Variants in BCKDHB observed in about 807,000 individuals in gnomAD.
BCKDHB encodes branched chain keto acid dehydrogenase E1 subunit beta, also known as 2-oxoisovalerate dehydrogenase subunit beta, mitochondrial.
Under a neutral mutation model 48.5 loss-of-function variants are expected in BCKDHB, and 41 were observed. The observed-to-expected ratio is 0.85, with a 90% CI of 0.66 to 1.10. BCKDHB has a LOEUF of 1.10. Among genes scored for constraint, BCKDHB ranks in the 50% least tolerant of loss-of-function variants. The pLI, the probability that BCKDHB is intolerant of heterozygous loss-of-function variation, is 0.00. For missense variants in BCKDHB, 496 were observed against 494.2 expected, an observed-to-expected ratio of 1.00 and a Z score of -0.03; for synonymous variants, 201 against 174.8, an observed-to-expected ratio of 1.15 and a Z score of -1.18.
intron 8 of BCKDHB, among the ~76,000 whole-genome samples, chr6:80,210,135 C>CAAAAAA (rs61476553): frequency 8.8e-6 from 1 of 113,008 alleles, no homozygotes; most frequent in Non-Finnish European, 1.9e-5. Context: ...AAGAAATATA[C>CAAAAAA]AAAAAAAAAA....
intron 8 of BCKDHB, among the ~76,000 whole-genome samples, chr6:80,216,137 G>T (rs928665201): frequency 6.6e-6 from 1 of 152,172 alleles, no homozygotes; most frequent in African/African-American, 2.4e-5. Flanking sequence ...TATTCAAACA[G>T]TTCTTCTAAT....
chr6:80,392,567 T>C, the BCKDHB span, among the ~76,000 whole-genome samples: 2 of 151,960 alleles, frequency 1.3e-5, no homozygotes, highest in Non-Finnish European at 2.9e-5. Context: ...GTTCTTAATG[T>C]TTATTTTTAT....
At chr6:80,111,702 TA>T (rs1161351736) in intron 1 of BCKDHB, among the ~76,000 whole-genome samples, 3 of 152,116 alleles carry the variant, frequency 2.0e-5, no homozygotes, top group African/African-American at 7.2e-5. Context: ...CAGAACCAAA[TA>T]AAAGCCTTCC....
chr6:80,200,785 T>C, intron 6 of BCKDHB, 149 bp from the exon 7 acceptor site: 1 of 653,040 alleles, frequency 1.5e-6, no homozygotes, highest in Non-Finnish European at 2.7e-6. Context: ...AGCCATATCA[T>C]AAATGCTATT....
At chr6:80,136,357 A>C (rs940879172) in intron 3 of BCKDHB, among the ~76,000 whole-genome samples, 18 of 152,140 alleles carry the variant, frequency 1.2e-4, no homozygotes, top group African/African-American at 4.1e-4. Context: ...ACCATTCAAC[A>C]GGGGAAAGGA....
chr6:80,130,603 A>G (rs985817804), intron 3 of BCKDHB, among the ~76,000 whole-genome samples: 2 of 152,178 alleles, frequency 1.3e-5, no homozygotes, highest in South Asian at 2.1e-4. Flanking sequence ...GACTCCTGCT[A>G]CAAACTTTTA....
the BCKDHB span, among the ~76,000 whole-genome samples, chr6:80,448,846 C>T: frequency 6.6e-6 from 1 of 152,088 alleles, no homozygotes; most frequent in Non-Finnish European, 1.5e-5. Context: ...ATGCTCATTA[C>T]CTGCATGATG....
At chr6:80,253,505 G>A (rs1776916363) in intron 8 of BCKDHB, among the ~76,000 whole-genome samples, 1 of 152,044 alleles carries the variant, frequency 6.6e-6, no homozygotes, top group Non-Finnish European at 1.5e-5. Flanking sequence ...CCTTGGTCAA[G>A]GGAATGTGGT....
chr6:80,465,151 TC>T, the BCKDHB span, among the ~76,000 whole-genome samples: 1 of 152,150 alleles, frequency 6.6e-6, no homozygotes, highest in Non-Finnish European at 1.5e-5. Flanking sequence ...TGGTGGCATT[TC>T]CCCAAATGTA....
intron 6 of BCKDHB, among the ~76,000 whole-genome samples, chr6:80,186,433 C>T (rs1320712661): frequency 2.0e-5 from 3 of 152,282 alleles, no homozygotes; most frequent in South Asian, 4.1e-4. Flanking sequence ...CAACAGCACA[C>T]GTTTATATTC....
At chr6:80,322,507 G>A (rs1481426914) in intron 9 of BCKDHB, among the ~76,000 whole-genome samples, 1 of 152,126 alleles carries the variant, frequency 6.6e-6, no homozygotes, top group East Asian at 1.9e-4. Context: ...AAAGTGCTGG[G>A]ATTACAGGCA....
intron 7 of BCKDHB, among the ~76,000 whole-genome samples, chr6:80,201,344 A>G (rs1478297939): frequency 6.6e-6 from 1 of 152,104 alleles, no homozygotes; most frequent in Non-Finnish European, 1.5e-5. Context: ...GGGGGCGAGG[A>G]CACTTCAGAT....
In BCKDHB at chr6:80,203,133, C is replaced by T; in HGVS notation, c.872C>T (p.Ala291Val). 6.2e-7 allele frequency: 1 copy of T among 1,612,816 alleles called. No individual in the cohort carries two copies. The highest frequency in any genetic ancestry group is 8.5e-7 in the Non-Finnish European group (1 of 1,179,110). The change falls in exon 8 of 10, where the codon GCA becomes GTA. Residue 291 changes from alanine (A) to valine (V), a missense_variant. Physicochemically the swap from Ala to Val is moderately conservative, Grantham distance 64. Coordinates refer to ENST00000320393, the MANE Select transcript of BCKDHB (RefSeq NM_183050.4). ...GTGATCCGAGAGGTAGCTTCCATGG[C>T]AAAAGAAAAGCTTGGAGTGTCTTGT... is the stretch of plus-strand genomic sequence containing the variant. ...VHVIREVASM[A>V]KEKLGVSCEV... is the part of the protein sequence containing the mutation.
chr6:80,140,557 A>G (rs1771146971), intron 3 of BCKDHB, among the ~76,000 whole-genome samples: 2 of 152,108 alleles, frequency 1.3e-5, no homozygotes, highest in African/African-American at 4.8e-5. Flanking sequence ...ATCTATTGAG[A>G]TAATCATGTG....
At chr6:80,173,413 G>A (rs909235615) in intron 6 of BCKDHB, among the ~76,000 whole-genome samples, 2 of 152,024 alleles carry the variant, frequency 1.3e-5, no homozygotes, top group African/African-American at 4.8e-5. Context: ...AATTAGGATA[G>A]GAAAAAAGGG....
chr6:80,399,114 T>C, the BCKDHB span, among the ~76,000 whole-genome samples: 1 of 152,106 alleles, frequency 6.6e-6, no homozygotes, highest in African/African-American at 2.4e-5. Context: ...CTGAAAATAA[T>C]AAGGGCCATC....
intron 5 of BCKDHB, 135 bp downstream of exon 5, chr6:80,169,165 T>TA: frequency 8.3e-7 from 1 of 1,203,812 alleles, no homozygotes; most frequent in Non-Finnish European, 1.2e-6. Context: ...TAACTGTATT[T>TA]AAGAAGGGGA....
intron 3 of BCKDHB, among the ~76,000 whole-genome samples, chr6:80,165,408 A>G (rs1334233382): frequency 1.3e-5 from 2 of 152,220 alleles, no homozygotes; most frequent in African/African-American, 4.8e-5. Context: ...CTGGCAAACT[A>G]CAGGATGTGT....
chr6:80,362,703 AT>A, the BCKDHB span, among the ~76,000 whole-genome samples: 4 of 152,234 alleles, frequency 2.6e-5, no homozygotes, highest in Non-Finnish European at 4.4e-5. Context: ...GCAGAAAAAA[AT>A]TCATAGGTAG....
Sources: allele counts gnomAD v4.1 joint callset (sites outside exome capture counted in the v4.1 genomes callset), GRCh38; gene constraint gnomAD v4.1.1; transcripts MANE v1.5; gene names NCBI Gene and HGNC (gene_info 2026-07-23, HGNC 2026-07-21).